The following COL28A1 variants were observed in gnomAD, a reference collection of about 807,000 sequenced individuals.
COL28A1 encodes collagen type XXVIII alpha 1 chain, also known as collagen alpha-1(XXVIII) chain.
COL28A1 carries 161 observed loss-of-function variants against 150.2 expected under a neutral mutation model. The observed-to-expected ratio is 1.07, with a 90% CI of 0.94 to 1.22. COL28A1 has a LOEUF of 1.22. Among genes scored for constraint, COL28A1 ranks in the 50% most tolerant of loss-of-function variants. The pLI is 0.00. For synonymous variants in COL28A1, 552 were observed against 469.7 expected, an observed-to-expected ratio of 1.18 and a Z score of -2.26; for missense variants, 1,617 against 1,388.3, an observed-to-expected ratio of 1.16 and a Z score of -2.62.
At chr7:7,500,097 T>C (rs916008846) in intron 11 of COL28A1, among the ~76,000 whole-genome samples, 1 of 152,198 alleles carries the variant, frequency 6.6e-6, no homozygotes. Flanking sequence ...CCCAACTATG[T>C]TAGAAGAATG....
chr7:7,525,569 G>A (rs1272378826), intron 3 of COL28A1, among the ~76,000 whole-genome samples: 1 of 152,206 alleles, frequency 6.6e-6, no homozygotes, highest in East Asian at 1.9e-4. Flanking sequence ...AGCAAGCACT[G>A]GAATATTTGT....
At chr7:7,478,974 AG>A in intron 13 of COL28A1, among the ~76,000 whole-genome samples, 1 of 152,172 alleles carries the variant, frequency 6.6e-6, no homozygotes, top group East Asian at 1.9e-4. Flanking sequence ...CGGCCATCCC[AG>A]GAAGGGGCTC....
chr7:7,394,055 C>G (rs992178543), intron 27 of COL28A1, among the ~76,000 whole-genome samples: 1 of 152,134 alleles, frequency 6.6e-6, no homozygotes, highest in Non-Finnish European at 1.5e-5. Flanking sequence ...ACCCAGGGCC[C>G]TGGTGGCGTA....
chr7:7,402,799 A>ATAGTCCC (rs1783284965), intron 27 of COL28A1, among the ~76,000 whole-genome samples: 1 of 152,190 alleles, frequency 6.6e-6, no homozygotes, highest in African/African-American at 2.4e-5. Flanking sequence ...TTTAGCTGTG[A>ATAGTCCC]TAGTCCCTTC....
intron 11 of COL28A1, among the ~76,000 whole-genome samples, chr7:7,491,085 TG>T (rs1467394031): frequency 6.6e-6 from 1 of 152,202 alleles, no homozygotes; most frequent in Non-Finnish European, 1.5e-5. Flanking sequence ...TTAAGTGCTC[TG>T]GAAGACATAT....
chr7:7,401,988 A>G (rs964689938), intron 27 of COL28A1, among the ~76,000 whole-genome samples: 1 of 152,238 alleles, frequency 6.6e-6, no homozygotes, highest in Non-Finnish European at 1.5e-5. Context: ...ATTCAATGTT[A>G]AGAGCCAGGA....
Position 7,429,406 on chromosome 7 carries a change from C to CCTCT in COL28A1, c.1998+3063_1998+3066dup, listed in dbSNP as rs4035101. Among the ~76,000 whole-genome samples the CCTCT allele has an allele frequency of 1.2e-4, 16 of 134,410 alleles. No homozygotes were observed. In the East Asian group the frequency reaches 1.6e-3, roughly 14 times the overall value. 88.2% of individuals were successfully genotyped at this position (134,410 alleles called of 152,430 possible). A position where few individuals can be genotyped will look rare whatever the true frequency, so the allele number is the denominator to read the frequency against. On this transcript the variant is annotated intron_variant, in intron 25 of 34. Coordinates refer to ENST00000399429, the MANE Select transcript of COL28A1 (RefSeq NM_001037763.3). The stretch of plus-strand genomic sequence containing the variant: ...TTGCCAGTTTCTGTCTATGAATCTC[C>CCTCT]CTCTCTCTCTCTCTCTCTCTCACAT...
intron 15 of COL28A1, among the ~76,000 whole-genome samples, chr7:7,461,671 G>A (rs1448400926): frequency 1.3e-5 from 2 of 152,038 alleles, no homozygotes; most frequent in Non-Finnish European, 2.9e-5. Flanking sequence ...TATCCTCCTA[G>A]GTATACAATT....
intron 15 of COL28A1, among the ~76,000 whole-genome samples, chr7:7,462,444 G>A (rs1787704324): frequency 6.6e-6 from 1 of 152,204 alleles, no homozygotes; most frequent in Non-Finnish European, 1.5e-5. Context: ...AGGCACCAGA[G>A]AAAGGTGAAG....
At chr7:7,395,781 C>G (rs1391277729) in intron 27 of COL28A1, among the ~76,000 whole-genome samples, 2 of 152,238 alleles carry the variant, frequency 1.3e-5, no homozygotes, top group Non-Finnish European at 2.9e-5. Context: ...CAAAACATCC[C>G]AGAATAAATA....
chr7:7,473,174 G>C (rs1053444046), intron 15 of COL28A1, among the ~76,000 whole-genome samples: 1 of 152,100 alleles, frequency 6.6e-6, no homozygotes, highest in South Asian at 2.1e-4. Context: ...AAGATAAATA[G>C]CTGGGACTTA....
At chr7:7,483,575 G>A (rs1261365083) in intron 13 of COL28A1, among the ~76,000 whole-genome samples, 2 of 152,100 alleles carry the variant, frequency 1.3e-5, no homozygotes, top group African/African-American at 4.8e-5. Flanking sequence ...GTACAAAAGA[G>A]ATACAAACAC....
intron 27 of COL28A1, among the ~76,000 whole-genome samples, chr7:7,383,854 A>T (rs982997469): frequency 6.6e-6 from 1 of 152,034 alleles, no homozygotes; most frequent in African/African-American, 2.4e-5. Context: ...ATATCCTTTT[A>T]TATGCCTTTG....
At chr7:7,460,136 T>C (rs1787490723) in intron 15 of COL28A1, among the ~76,000 whole-genome samples, 1 of 152,154 alleles carries the variant, frequency 6.6e-6, no homozygotes, top group Non-Finnish European at 1.5e-5. Flanking sequence ...CAAGTGCAAA[T>C]CCTATGAAAT....
rs768660065 is a variant in COL28A1 at position 7,530,842 on chromosome 7, G to T, written c.681+506C>A. Among the ~76,000 whole-genome samples, 35 of 152,218 alleles carry T rather than the reference G, an allele frequency of 2.3e-4. 1 individual carries two copies. The South Asian group carries it at 5.4e-3, about 23-fold the overall frequency. Reference sequence around the variant, plus strand: ...GTAATTTTAAAAATTGGAAGTCTATGAACTTTGAGTAGCATAATGTAACAA... The same window carrying T: ...GTAATTTTAAAAATTGGAAGTCTATTAACTTTGAGTAGCATAATGTAACAA... On this transcript the variant is annotated intron_variant, in intron 3 of 34. Coordinates refer to ENST00000399429, the MANE Select transcript of COL28A1 (RefSeq NM_001037763.3).
chr7:7,471,569 C>T (rs1023219767), intron 15 of COL28A1, among the ~76,000 whole-genome samples: 9 of 152,220 alleles, frequency 5.9e-5, no homozygotes, highest in South Asian at 4.1e-4. Context: ...GTTTAACATA[C>T]GCAAGTCAAT....
At chr7:7,541,190 A>G in the COL28A1 span, among the ~76,000 whole-genome samples, 1 of 152,096 alleles carries the variant, frequency 6.6e-6, no homozygotes, top group Non-Finnish European at 1.5e-5. Context: ...TGTTTTTTTC[A>G]TTGCATCTAA....
At chr7:7,441,333 A>G (rs1212400048) in intron 20 of COL28A1, among the ~76,000 whole-genome samples, 1 of 152,122 alleles carries the variant, frequency 6.6e-6, no homozygotes, top group Non-Finnish European at 1.5e-5. Flanking sequence ...AAAGAGACCA[A>G]TAGTTTTATT....
intron 25 of COL28A1, among the ~76,000 whole-genome samples, chr7:7,428,009 T>C (rs1433220299): frequency 6.6e-6 from 1 of 152,218 alleles, no homozygotes; most frequent in Non-Finnish European, 1.5e-5. Flanking sequence ...GTATCAAAAA[T>C]GTTTCTATTG....
Sources: allele counts gnomAD v4.1 joint callset (sites outside exome capture counted in the v4.1 genomes callset), GRCh38; gene constraint gnomAD v4.1.1; transcripts MANE v1.5; gene names NCBI Gene and HGNC (gene_info 2026-07-23, HGNC 2026-07-21).